The following LURAP1 variants were observed in gnomAD, a reference collection of about 807,000 sequenced individuals.
LURAP1 encodes NF-kappa-B activator C1orf190.
LURAP1 carries 14 observed loss-of-function variants against 19.0 expected under a neutral mutation model. The ratio of observed to expected loss-of-function variants is 0.74; its 90% CI spans 0.49 to 1.15. The LOEUF (loss-of-function observed/expected upper bound fraction) is 1.15. Ranked by LOEUF, LURAP1 falls within the 50% of genes most tolerant of loss-of-function variation. LURAP1 has a pLI of 0.00. For missense variants in LURAP1, 273 were observed against 309.1 expected (o/e 0.88, Z 0.87); for synonymous variants, 129 against 131.8 (o/e 0.98, Z 0.14).
intron 1 of LURAP1, among the ~76,000 whole-genome samples, chr1:46,204,316 G>T (rs1658644995): frequency 6.6e-6 from 1 of 152,182 alleles, no homozygotes. Flanking sequence ...GGGGAGAAGA[G>T]GAAACAGCAA....
intron 1 of LURAP1, among the ~76,000 whole-genome samples, chr1:46,216,969 T>G (rs1659089855): frequency 6.6e-6 from 1 of 152,254 alleles, no homozygotes; most frequent in Non-Finnish European, 1.5e-5. Context: ...AGGACATGAT[T>G]TCATTATATC....
In LURAP1 at chr1:46,219,694, C is replaced by A; in HGVS notation, c.199-5C>A. 2 of 1,575,272 alleles carry A rather than the reference C, an allele frequency of 1.3e-6. No homozygotes were observed. The highest frequency in any genetic ancestry group is 1.7e-6 in the Non-Finnish European group (2 of 1,159,620). Reference sequence around the variant, plus strand: ...TGGGACTAATTCCTTCTCCCACTCCCCCAGGCTTACCTGCGAGCCATCGAT... The same window carrying A: ...TGGGACTAATTCCTTCTCCCACTCCACCAGGCTTACCTGCGAGCCATCGAT... On this transcript the variant is annotated splice_polypyrimidine_tract_variant and splice_region_variant and intron_variant, in intron 1 of 1. Transcript: ENST00000371980.
At chr1:46,206,129 A>G (rs1658707094) in intron 1 of LURAP1, among the ~76,000 whole-genome samples, 1 of 152,158 alleles carries the variant, frequency 6.6e-6, no homozygotes, top group Non-Finnish European at 1.5e-5. Context: ...ATGACAACCC[A>G]CCTCCACAGA....
chr1:46,219,060 G>C (rs1659150317), intron 1 of LURAP1, among the ~76,000 whole-genome samples: 1 of 152,126 alleles, frequency 6.6e-6, no homozygotes, highest in Non-Finnish European at 1.5e-5. Context: ...ACTTTGGGAG[G>C]CTGAGGTGGG....
At chr1:46,213,620 A>G (rs1658972374) in intron 1 of LURAP1, among the ~76,000 whole-genome samples, 1 of 152,074 alleles carries the variant, frequency 6.6e-6, no homozygotes, top group Non-Finnish European at 1.5e-5. Context: ...GCACTCTGGG[A>G]GGCTGAGGTG....
chr1:46,220,355 C>T lies in LURAP1; in HGVS notation c.*135C>T. 1 of 915,910 alleles carries T rather than the reference C, an allele frequency of 1.1e-6. No homozygotes were observed. Among genetic ancestry groups the T allele is most frequent in the Non-Finnish European group, 1.6e-6 (1 of 613,740 alleles). The allele number at this position is 915,910 out of a possible 1,614,324, so 56.7% of individuals were successfully genotyped here. On this transcript the variant is annotated 3_prime_UTR_variant, in exon 2 of 2. Coordinates refer to ENST00000371980, the MANE Select transcript of LURAP1 (RefSeq NM_001013615.3). ...CAGTTACCATGGAAACCTGGCTCAT[C>T]ATTTCTCTAGTCCCTAGGGAGTCTC...
intron 1 of LURAP1, among the ~76,000 whole-genome samples, chr1:46,206,510 T>C (rs991985143): frequency 2.0e-5 from 3 of 152,046 alleles, no homozygotes; most frequent in African/African-American, 4.8e-5. Flanking sequence ...GGAAGGAGAA[T>C]TGGGTTTGGA....
intron 1 of LURAP1, among the ~76,000 whole-genome samples, chr1:46,210,964 G>A (rs1658876776): frequency 6.9e-6 from 1 of 144,846 alleles, no homozygotes; most frequent in Non-Finnish European, 1.5e-5. Context: ...TTTTTTGGTA[G>A]AGACAGGGTT....
chr1:46,218,704 G>A (rs1225107296), intron 1 of LURAP1, among the ~76,000 whole-genome samples: 1 of 152,134 alleles, frequency 6.6e-6, no homozygotes, highest in East Asian at 1.9e-4. Flanking sequence ...GAGCTGGAAC[G>A]GACGCTTGAG....
At chr1:46,218,779 G>A (rs1659143487) in intron 1 of LURAP1, among the ~76,000 whole-genome samples, 1 of 151,852 alleles carries the variant, frequency 6.6e-6, no homozygotes, top group South Asian at 2.1e-4. Context: ...AGGCAAGAAG[G>A]CCTGAATGCC....
chr1:46,217,352 A>G (rs1659099434), intron 1 of LURAP1, among the ~76,000 whole-genome samples: 1 of 152,168 alleles, frequency 6.6e-6, no homozygotes, highest in Admixed American at 6.6e-5. Context: ...GCTGATAACT[A>G]CATAGCAAAC....
chr1:46,204,972 C>T (rs897049693), intron 1 of LURAP1, among the ~76,000 whole-genome samples: 4 of 152,100 alleles, frequency 2.6e-5, no homozygotes, highest in African/African-American at 9.7e-5. Context: ...GAAACTGAGG[C>T]ACAGGGTGGG....
chr1:46,216,298 G>A (rs1295646617), intron 1 of LURAP1, among the ~76,000 whole-genome samples: 1 of 151,674 alleles, frequency 6.6e-6, no homozygotes, highest in Admixed American at 6.6e-5. Context: ...CACCCGCCTC[G>A]GCCTCCCAAA....
chr1:46,215,202 G>A (rs1394000754), intron 1 of LURAP1, among the ~76,000 whole-genome samples: 2 of 149,366 alleles, frequency 1.3e-5, no homozygotes, highest in Non-Finnish European at 1.5e-5. Context: ...CTCTAGCCTG[G>A]GCGACACAAC....
intron 1 of LURAP1, among the ~76,000 whole-genome samples, chr1:46,208,850 AAAAT>A (rs1227425358): frequency 2.6e-5 from 4 of 152,200 alleles, no homozygotes; most frequent in Admixed American, 1.3e-4. Flanking sequence ...CAAAAAGAGA[AAAAT>A]AAATAAATAA....
intron 1 of LURAP1, among the ~76,000 whole-genome samples, chr1:46,209,836 A>G (rs1466572381): frequency 6.6e-6 from 1 of 152,064 alleles, no homozygotes; most frequent in Non-Finnish European, 1.5e-5. Flanking sequence ...GGAAAGAGGA[A>G]GGAAGGGAGG....
chr1:46,206,101 AC>A (rs1180439131), intron 1 of LURAP1, among the ~76,000 whole-genome samples: 1 of 152,202 alleles, frequency 6.6e-6, no homozygotes, highest in African/African-American at 2.4e-5. Context: ...TAGTTCTCCC[AC>A]CCAAAGAACT....
intron 1 of LURAP1, among the ~76,000 whole-genome samples, chr1:46,216,043 C>CTT (rs141982741): frequency 0.053 from 4,879 of 92,640 alleles, 503 homozygotes; most frequent in African/African-American, 0.1. Flanking sequence ...TTTATTTTAT[C>CTT]TTTTTTTTTT....
Position 46,219,930 on chromosome 1 carries a change from A to G in LURAP1, c.430A>G (p.Ile144Val), listed in dbSNP as rs779596819. 1.5e-5 allele frequency: 25 copies of G among 1,614,124 alleles called. 1 individual carries two copies. The highest frequency in any genetic ancestry group is 1.5e-4 in the South Asian group (14 of 91,096). The change falls in exon 2 of 2, where the codon ATT (isoleucine) becomes GTT (valine). Residue 144 changes from isoleucine to valine, a missense_variant. Ile to Val is a conservative substitution (Grantham distance 29). Transcript: ENST00000371980. Reference sequence around the variant, plus strand: ...CACCGACCGGCTGGACAGTGTCTCTATTGGCAGCTTCCTGGACACAGTGGC... The same window carrying G: ...CACCGACCGGCTGGACAGTGTCTCTGTTGGCAGCTTCCTGGACACAGTGGC... The part of the protein sequence containing the change: ...STTDRLDSVS[I>V]GSFLDTVAPS...
Sources: gnomAD v4.1 joint callset for allele counts (sites outside exome capture counted in the v4.1 genomes callset) on GRCh38, gnomAD v4.1.1 for gene constraint, MANE v1.5 for transcripts, NCBI Gene and HGNC (gene_info 2026-07-23, HGNC 2026-07-21) for gene names.